Variants in NBEA observed in about 807,000 individuals in gnomAD.
The protein encoded by NBEA is neurobeachin.
Under a neutral mutation model 343.4 loss-of-function variants are expected in NBEA, and 44 were observed. That is an observed-to-expected ratio of 0.13 (90% CI 0.10 to 0.16). The LOEUF is 0.16. NBEA is among the 10% of genes least tolerant of loss of function. The pLI, the probability that NBEA is intolerant of heterozygous loss-of-function variation, is 1.00. For missense variants in NBEA, 2,555 were observed against 3,631.3 expected, an observed-to-expected ratio of 0.70 and a Z score of 7.62; for synonymous variants, 1,175 against 1,238.7, an observed-to-expected ratio of 0.95 and a Z score of 1.08.
rs1270110580 is a variant in NBEA, at chr13:35,058,734, T to C, written c.1110T>C (p.Phe370=). Residue 370 remains phenylalanine (F), a synonymous_variant, in exon 8 of 59, where the codon TTT becomes TTC. Transcript: ENST00000379939. ...VNTNDSYDKC[F]LGSSETADAN... ...AAAAATAGAGCTATGACAAGTGCTTTCTTGGATCATCAGAAACTGCTGATG... is the reference window on the plus strand; with the variant it reads ...AAAAATAGAGCTATGACAAGTGCTTCCTTGGATCATCAGAAACTGCTGATG... The C allele has an allele frequency of 2.5e-6, 4 of 1,583,348 alleles. No individual in the cohort carries two copies. The highest frequency in any genetic ancestry group is 3.4e-6 in the Non-Finnish European group (4 of 1,163,190).
intron 38 of NBEA, among the ~76,000 whole-genome samples, chr13:35,381,290 A>G (rs1311285324): frequency 6.6e-6 from 1 of 152,116 alleles, no homozygotes; most frequent in African/African-American, 2.4e-5. Flanking sequence ...TTAAACAACT[A>G]TTCTGTAATA....
chr13:34,953,217 A>C (rs73167717), intron 1 of NBEA, among the ~76,000 whole-genome samples: 2,151 of 152,324 alleles, frequency 0.014, 18 homozygotes, highest in Middle Eastern at 0.034. Flanking sequence ...TTAAAAGACA[A>C]GTGTTTTCAA....
chr13:35,219,610 C>A (rs559296237), intron 33 of NBEA, among the ~76,000 whole-genome samples: 82 of 152,118 alleles, frequency 5.4e-4, no homozygotes, highest in African/African-American at 1.9e-3. Flanking sequence ...ACTGAAAATT[C>A]CCAGTATCTG....
chr13:35,284,462 A>G (rs981132488), intron 34 of NBEA, among the ~76,000 whole-genome samples: 2 of 152,184 alleles, frequency 1.3e-5, no homozygotes, highest in African/African-American at 2.4e-5. Context: ...GAATTTTATT[A>G]TAGTTTTAAG....
intron 34 of NBEA, among the ~76,000 whole-genome samples, chr13:35,253,630 C>A (rs1482790916): frequency 6.6e-6 from 1 of 152,102 alleles, no homozygotes; most frequent in East Asian, 1.9e-4. Flanking sequence ...ACCTAGCAGT[C>A]AAATCTGCTT....
intron 38 of NBEA, among the ~76,000 whole-genome samples, chr13:35,360,768 G>T (rs2040763954): frequency 6.6e-6 from 1 of 151,884 alleles, no homozygotes; most frequent in African/African-American, 2.4e-5. Flanking sequence ...AAATGATTTT[G>T]AAGATAGATG....
intron 38 of NBEA, among the ~76,000 whole-genome samples, chr13:35,394,165 T>C (rs1236355419): frequency 6.6e-6 from 1 of 152,192 alleles, no homozygotes; most frequent in African/African-American, 2.4e-5. Flanking sequence ...TTGCTCCCAA[T>C]CATTGATGGA....
intron 34 of NBEA, among the ~76,000 whole-genome samples, chr13:35,288,143 A>G (rs193252535): frequency 6.6e-6 from 1 of 152,110 alleles, no homozygotes; most frequent in East Asian, 1.9e-4. Context: ...ACTTTTTGAG[A>G]CGTACACTTG....
chr13:35,414,762 G>A (rs1176770193), intron 38 of NBEA, among the ~76,000 whole-genome samples: 1 of 152,112 alleles, frequency 6.6e-6, no homozygotes, highest in Non-Finnish European at 1.5e-5. Context: ...GGGATGGCTG[G>A]GTCAAATGGT....
chr13:35,176,730 C>T (rs141588688), intron 27 of NBEA, among the ~76,000 whole-genome samples: 12 of 151,974 alleles, frequency 7.9e-5, no homozygotes, highest in African/African-American at 1.7e-4. Flanking sequence ...AAGTCCAAGA[C>T]GAATCTTTAT....
chr13:35,440,766 T>C (rs1212268826), intron 39 of NBEA, among the ~76,000 whole-genome samples: 3 of 152,216 alleles, frequency 2.0e-5, no homozygotes, highest in African/African-American at 7.2e-5. Context: ...AAATAATAAG[T>C]GATAGATAGA....
intron 38 of NBEA, among the ~76,000 whole-genome samples, chr13:35,428,475 C>T (rs1230518629): frequency 6.6e-6 from 1 of 152,154 alleles, no homozygotes; most frequent in Non-Finnish European, 1.5e-5. Flanking sequence ...AGTGATTCCT[C>T]CCTCTGTTCC....
intron 1 of NBEA, among the ~76,000 whole-genome samples, chr13:34,975,659 A>T (rs1235692108): frequency 6.6e-6 from 1 of 152,196 alleles, no homozygotes; most frequent in African/African-American, 2.4e-5. Context: ...ACAGAGTGGG[A>T]GAAAATCTTC....
chr13:35,115,953 A>G (rs2066473290), intron 13 of NBEA, among the ~76,000 whole-genome samples: 1 of 152,192 alleles, frequency 6.6e-6, no homozygotes, highest in Admixed American at 6.5e-5. Context: ...TTGGTAGCAG[A>G]AATAGAAGAA....
At chr13:35,612,330 C>T (rs1162081900) in intron 48 of NBEA, among the ~76,000 whole-genome samples, 1 of 151,954 alleles carries the variant, frequency 6.6e-6, no homozygotes, top group African/African-American at 2.4e-5. Flanking sequence ...GATGGGGTTT[C>T]ACCGTGTTAG....
At position 35,151,809 on chromosome 13, in the gene NBEA, A is replaced by G. The variant is rs568099015; in HGVS notation, c.2446-3965A>G. Among the ~76,000 whole-genome samples the G allele has an allele frequency of 2.0e-5, 3 of 152,258 alleles. No individual in the cohort carries two copies. In the East Asian group the frequency reaches 5.8e-4, roughly 29 times the overall value. On this transcript the variant is annotated intron_variant, in intron 18 of 58. Coordinates refer to ENST00000379939, the MANE Select transcript of NBEA (RefSeq NM_001385012.1). ...ATATTATTTAGGAATTGTAATATTTATGAAACTTATCTTTTAAATTCTATT... is the reference window on the plus strand; with the variant it reads ...ATATTATTTAGGAATTGTAATATTTGTGAAACTTATCTTTTAAATTCTATT...
At position 34,985,727 on chromosome 13, in the gene NBEA, G is replaced by T. The variant is rs906899551; in HGVS notation, c.294+42613G>T. 1.7e-4 allele frequency among the ~76,000 whole-genome samples: 25 copies of T among 150,838 alleles called. 1 individual carries two copies. Among genetic ancestry groups the T allele is most frequent in the South Asian group, 1.3e-3 (6 of 4,732 alleles). ...TGCCTGAATTTCAGAGGCTGTTATT[G>T]GTCCCTTCAGAGATTCACCTTCCTG... On this transcript the variant is annotated intron_variant, in intron 1 of 58. Transcript: ENST00000379939.
intron 10 of NBEA, among the ~76,000 whole-genome samples, chr13:35,081,711 A>C (rs142613016): frequency 1.2e-4 from 19 of 152,282 alleles, no homozygotes; most frequent in African/African-American, 4.3e-4. Context: ...TATATAATCT[A>C]ACAGCAATTT....
chr13:35,330,771 G>A (rs1013785923), intron 36 of NBEA, among the ~76,000 whole-genome samples: 3 of 151,984 alleles, frequency 2.0e-5, no homozygotes, highest in African/African-American at 7.2e-5. Context: ...TCTATTTTGA[G>A]AGAATAGCTT....
Sources: gnomAD v4.1 joint callset for allele counts (sites outside exome capture counted in the v4.1 genomes callset) on GRCh38, gnomAD v4.1.1 for gene constraint, MANE v1.5 for transcripts, NCBI Gene and HGNC (gene_info 2026-07-23, HGNC 2026-07-21) for gene names.